Variants in SH3BP4 observed in about 807,000 individuals in gnomAD.
SH3BP4 encodes SH3 domain-binding protein 4.
SH3BP4 carries 33 observed loss-of-function variants against 65.5 expected under a neutral mutation model. The ratio of observed to expected loss-of-function variants is 0.50; its 90% CI spans 0.38 to 0.67. The LOEUF (loss-of-function observed/expected upper bound fraction) is 0.67, where lower values mean the gene tolerates loss of function less well. Among genes scored for constraint, SH3BP4 ranks in the 30% least tolerant of loss-of-function variants. The pLI is 0.00. For synonymous variants in SH3BP4, 552 were observed against 545.5 expected, an observed-to-expected ratio of 1.01 and a Z score of -0.17; for missense variants, 1,134 against 1,261.4, an observed-to-expected ratio of 0.90 and a Z score of 1.53.
At chr2:234,966,614 A>G (rs550365071) in intron 1 of SH3BP4, among the ~76,000 whole-genome samples, 1 of 152,324 alleles carries the variant, frequency 6.6e-6, no homozygotes, top group Non-Finnish European at 1.5e-5. Flanking sequence ...TTAGGTCTGG[A>G]TATTAACCGA....
intron 2 of SH3BP4, among the ~76,000 whole-genome samples, chr2:235,006,463 C>T (rs1184391661): frequency 1.3e-5 from 2 of 151,748 alleles, no homozygotes; most frequent in Middle Eastern, 3.2e-3. Context: ...AAAGCACTCC[C>T]GGAAAGAAGC....
rs1448868217 is a variant in SH3BP4 at position 235,026,186 on chromosome 2, G to C, written c.-132-8685G>C. Among the ~76,000 whole-genome samples, 1 of 152,134 alleles carries C rather than the reference G, an allele frequency of 6.6e-6. No individual in the cohort carries two copies. The highest frequency in any genetic ancestry group is 1.9e-4 in the East Asian group (1 of 5,176). ...GGGAGGAGGCCAGGTAAGAAGCTCAGGCCTTGAAGAGGGATTCACACGCCC... is the reference window on the plus strand; with the variant it reads ...GGGAGGAGGCCAGGTAAGAAGCTCACGCCTTGAAGAGGGATTCACACGCCC... On this transcript the variant is annotated intron_variant, in intron 2 of 5. Coordinates refer to ENST00000392011, the MANE Select transcript of SH3BP4 (RefSeq NM_014521.3). This position sits in a 1 kb window ranked among gnomAD's most constrained non-coding sequence, Gnocchi z 4.6.
rs1692493588 is a variant in SH3BP4, at chr2:234,952,459, G to C, written c.-207+289G>C. On this transcript the variant is annotated intron_variant, in intron 1 of 5. Coordinates refer to ENST00000392011, the MANE Select transcript of SH3BP4 (RefSeq NM_014521.3). The surrounding 1 kb of genome is among the most constrained non-coding windows in gnomAD (Gnocchi z 6.5). ...CGGGCGCCGAGCCGCAGCCCTCCGC[G>C]TGCGCTCGGGCCGCCCCCCAACCCC... Among the ~76,000 whole-genome samples, 2 of 151,112 alleles carry C rather than the reference G, an allele frequency of 1.3e-5. No individual in the cohort carries two copies. The highest frequency in any genetic ancestry group is 4.8e-5 in the African/African-American group (2 of 41,260).
chr2:234,986,433 A>C (rs535467969), intron 1 of SH3BP4, among the ~76,000 whole-genome samples: 9 of 152,228 alleles, frequency 5.9e-5, no homozygotes, highest in Non-Finnish European at 1.0e-4. Flanking sequence ...CAGGAATGTT[A>C]ACTTCTACTT....
At chr2:234,983,683 C>T (rs1413647743) in intron 1 of SH3BP4, among the ~76,000 whole-genome samples, 4 of 152,184 alleles carry the variant, frequency 2.6e-5, no homozygotes, top group Non-Finnish European at 1.5e-5. Context: ...TAAATGTTAT[C>T]ACGGGTCTTT....
intron 2 of SH3BP4, among the ~76,000 whole-genome samples, chr2:235,009,125 G>T (rs1443904314): frequency 6.6e-6 from 1 of 152,172 alleles, no homozygotes; most frequent in African/African-American, 2.4e-5. Context: ...AGATGGTTCC[G>T]GGTAGAATAT....
At chr2:234,965,692 G>C (rs956681768) in intron 1 of SH3BP4, among the ~76,000 whole-genome samples, 4 of 152,304 alleles carry the variant, frequency 2.6e-5, no homozygotes, top group East Asian at 1.9e-4. Context: ...GGGAAGATGG[G>C]GGTTTTTTTC....
rs764983445 is a variant in SH3BP4, at chr2:235,041,184, C to CT, written c.416dup (p.Glu140GlyfsTer9). The CT allele has an allele frequency of 6.2e-7, 1 of 1,614,122 alleles. No individual in the cohort carries two copies. The highest frequency in any genetic ancestry group is 1.1e-5 in the South Asian group (1 of 91,076). ...CAGCCCAGACGAGGTAGCCAAGGAG[C>CT]TGGAGCTGCTCGGGGGATGGACAGA... On this transcript the variant is annotated frameshift_variant, in exon 4 of 6. Coordinates refer to ENST00000392011, the MANE Select transcript of SH3BP4 (RefSeq NM_014521.3). LOFTEE classifies it high-confidence loss of function. The surrounding 1 kb of genome is among the most constrained non-coding windows in gnomAD (Gnocchi z 6.0).
rs1191027523 is a variant in SH3BP4, at chr2:235,052,280, T to A, written c.2479-282T>A. On this transcript the variant is annotated intron_variant, in intron 4 of 5. Coordinates refer to ENST00000392011, the MANE Select transcript of SH3BP4 (RefSeq NM_014521.3). This position sits in a 1 kb window ranked among gnomAD's most constrained non-coding sequence, Gnocchi z 5.0. ...CCAGAGGGACCTCATCTTAATTCTATCTGCAAAGACCCCATTTTCAAGTAA... is the reference window on the plus strand; with the variant it reads ...CCAGAGGGACCTCATCTTAATTCTAACTGCAAAGACCCCATTTTCAAGTAA... Among the ~76,000 whole-genome samples the A allele has an allele frequency of 6.6e-6, 1 of 152,076 alleles. No homozygotes were observed. The highest frequency in any genetic ancestry group is 2.4e-5 in the African/African-American group (1 of 41,424).
At position 235,034,855 on chromosome 2, in the gene SH3BP4, C is replaced by T. The variant is rs1274334968; in HGVS notation, c.-132-16C>T. On this transcript the variant is annotated splice_polypyrimidine_tract_variant and intron_variant, in intron 2 of 5. Transcript: ENST00000392011. The surrounding 1 kb of genome is among the most constrained non-coding windows in gnomAD (Gnocchi z 6.2). Reference sequence around the variant, plus strand: ...CGCTTGCTTAAGGGACTTTTTTGTTCCTCCTCTACTTTCAGGAAGAAACAT... The same window carrying T: ...CGCTTGCTTAAGGGACTTTTTTGTTTCTCCTCTACTTTCAGGAAGAAACAT... The T allele has an allele frequency of 6.3e-6, 4 of 635,422 alleles. No individual in the cohort carries two copies. In the Admixed American group the frequency reaches 8.6e-5, roughly 14 times the overall value. 39.4% of individuals were successfully genotyped at this position (635,422 alleles called of 1,614,324 possible).
Position 235,034,164 on chromosome 2 carries a change from GA to G in SH3BP4, c.-132-698del, listed in dbSNP as rs200703126. On this transcript the variant is annotated intron_variant, in intron 2 of 5. Coordinates refer to ENST00000392011, the MANE Select transcript of SH3BP4 (RefSeq NM_014521.3). The surrounding 1 kb of genome is among the most constrained non-coding windows in gnomAD (Gnocchi z 6.2). ...TCAGTCCTGTCTGTGCGCCCTTCCA[GA>G]AAAAAAAAGCAGAGGCCTTAGGGGT... 4.0e-5 allele frequency among the ~76,000 whole-genome samples: 6 copies of G among 150,752 alleles called. No homozygotes were observed. The highest frequency in any genetic ancestry group is 4.2e-4 in the South Asian group (2 of 4,764).
At chr2:234,985,616 G>A (rs184681109) in intron 1 of SH3BP4, among the ~76,000 whole-genome samples, 18 of 152,032 alleles carry the variant, frequency 1.2e-4, no homozygotes, top group Admixed American at 1.0e-3. Flanking sequence ...GACCCTCTGC[G>A]CACAGATATT....
chr2:235,023,563 G>T (rs544963887), intron 2 of SH3BP4, among the ~76,000 whole-genome samples: 3 of 151,742 alleles, frequency 2.0e-5, no homozygotes, highest in Admixed American at 2.0e-4. Context: ...TGGGGTGGGG[G>T]GTGAGAAGAA....
intron 1 of SH3BP4, among the ~76,000 whole-genome samples, chr2:234,984,663 G>GCTCAGGACCAGAACCGACCGAGTC (rs1693492837): frequency 1.3e-5 from 2 of 152,126 alleles, no homozygotes; most frequent in Non-Finnish European, 2.9e-5. Context: ...CCGACTGAGT[G>GCTCAGGACCAGAACCGACCGAGTC]CTCAGGACCA....
intron 2 of SH3BP4, among the ~76,000 whole-genome samples, chr2:235,002,931 C>T (rs1473427447): frequency 6.6e-6 from 1 of 152,218 alleles, no homozygotes; most frequent in Admixed American, 6.5e-5. Context: ...CCCGGATGAA[C>T]CTCCAACAGG....
chr2:235,013,067 A>G (rs552859573), intron 2 of SH3BP4, among the ~76,000 whole-genome samples: 1 of 152,328 alleles, frequency 6.6e-6, no homozygotes, highest in African/African-American at 2.4e-5. Context: ...TGTTTCCAAA[A>G]CAGCCTTTCT....
chr2:235,045,434 C>G lies in SH3BP4; in HGVS notation c.2478+2187C>G, dbSNP rs551516211. On this transcript the variant is annotated intron_variant, in intron 4 of 5. Transcript: ENST00000392011. This position sits in a 1 kb window ranked among gnomAD's most constrained non-coding sequence, Gnocchi z 4.3. ...CTCTCAATTCGATTGGTGAGCATCT[C>G]TGGGAGGGGATTTTTTGGTGGGCCT... Among the ~76,000 whole-genome samples the G allele has an allele frequency of 3.3e-5, 5 of 152,278 alleles. No individual in the cohort carries two copies. In the South Asian group the frequency reaches 1.0e-3, roughly 32 times the overall value.
chr2:235,042,272 A>G lies in SH3BP4; in HGVS notation c.1503A>G (p.Pro501=), dbSNP rs2106334607. 6.2e-7 allele frequency: 1 copy of G among 1,614,104 alleles called. No homozygotes were observed. The highest frequency in any genetic ancestry group is 1.1e-5 in the South Asian group (1 of 91,080). Residue 501 remains proline (P), a synonymous_variant, in exon 4 of 6, where the codon CCA becomes CCG. Transcript: ENST00000392011. This position sits in a 1 kb window ranked among gnomAD's most constrained non-coding sequence, Gnocchi z 7.3. ...VVTIFGHDCA[P]KTLLVSEVTR... is the part of the protein sequence containing the mutation. ...CCATTTTTGGGCATGACTGTGCCCC[A>G]AAGACGCTCCTGGTCAGCGAGGTCA...
At position 234,997,996 on chromosome 2, in the gene SH3BP4, G is replaced by A. The variant is rs907109925; in HGVS notation, c.-133+2620G>A. Among the ~76,000 whole-genome samples, 14 of 152,050 alleles carry A rather than the reference G, an allele frequency of 9.2e-5. No homozygotes were observed. The highest frequency in any genetic ancestry group is 3.3e-4 in the Admixed American group (5 of 15,256). On this transcript the variant is annotated intron_variant, in intron 2 of 5. Coordinates refer to ENST00000392011, the MANE Select transcript of SH3BP4 (RefSeq NM_014521.3). This position sits in a 1 kb window ranked among gnomAD's most constrained non-coding sequence, Gnocchi z 4.2. The stretch of plus-strand genomic sequence containing the variant: ...AAATTAGCCGGGCGTGGTGGTGGGC[G>A]CCTATAGTCCCAGCTACTTGGGAGG...
Sources: gnomAD v4.1 joint callset for allele counts (sites outside exome capture counted in the v4.1 genomes callset) on GRCh38, gnomAD v4.1.1 for gene constraint, Gnocchi (gnomAD v3.1) non-coding constraint, MANE v1.5 for transcripts, NCBI Gene and HGNC (gene_info 2026-07-23, HGNC 2026-07-21) for gene names.